The following AHRR variants were observed in gnomAD, a reference collection of about 807,000 sequenced individuals.
AHRR encodes ahR repressor.
Under a neutral mutation model 44.0 loss-of-function variants are expected in AHRR, and 28 were observed. That is an observed-to-expected ratio of 0.64 (90% CI 0.47 to 0.87). The LOEUF (loss-of-function observed/expected upper bound fraction) is 0.87. Among genes scored for constraint, AHRR ranks in the 40% least tolerant of loss-of-function variants. The pLI, the probability that AHRR is intolerant of heterozygous loss-of-function variation, is 0.00. For missense variants in AHRR, 990 were observed against 953.9 expected (o/e 1.04, Z -0.50); for synonymous variants, 434 against 407.0 (o/e 1.07, Z -0.80).
In AHRR at chr5:388,523, G is replaced by T. The variant is rs1199593984; in HGVS notation, c.351+11807G>T. 6.6e-6 allele frequency among the ~76,000 whole-genome samples: 1 copy of T among 152,188 alleles called. No homozygotes were observed. The highest frequency in any genetic ancestry group is 1.5e-5 in the Non-Finnish European group (1 of 68,034). ...CTCCCAGGGGGAGCCTGGAGGAGTG[G>T]GGTTTGGACACCCGGCAGGTCTCTT... On this transcript the variant is annotated intron_variant, in intron 4 of 10. Coordinates refer to ENST00000684583, the MANE Select transcript of AHRR (RefSeq NM_001377236.1). The surrounding 1 kb of genome is among the most constrained non-coding windows in gnomAD (Gnocchi z 5.2).
intron 1 of AHRR, among the ~76,000 whole-genome samples, chr5:329,193 C>G (rs1372151642): frequency 6.6e-6 from 1 of 151,822 alleles, no homozygotes. Context: ...TTTTCTTCTC[C>G]TCCTCCTTCT....
intron 7 of AHRR, among the ~76,000 whole-genome samples, chr5:427,174 A>G (rs1736454519): frequency 6.6e-6 from 1 of 152,234 alleles, no homozygotes; most frequent in Non-Finnish European, 1.5e-5. Context: ...TGATTCTTCC[A>G]TACAAGGCAG....
chr5:430,589 C>T (rs755796831), intron 8 of AHRR, among the ~76,000 whole-genome samples: 3 of 152,252 alleles, frequency 2.0e-5, no homozygotes, highest in Non-Finnish European at 4.4e-5. Flanking sequence ...CTGTTGTGGG[C>T]GTGAGTTCCA....
chr5:325,338 G>A (rs935476574), intron 1 of AHRR, among the ~76,000 whole-genome samples: 22 of 152,210 alleles, frequency 1.4e-4, no homozygotes, highest in African/African-American at 5.1e-4. Flanking sequence ...GGGTGGTCGA[G>A]TGGGTTTGCT....
intron 3 of AHRR, among the ~76,000 whole-genome samples, chr5:369,964 G>A (rs1743509713): frequency 1.3e-5 from 2 of 152,260 alleles, no homozygotes; most frequent in Non-Finnish European, 2.9e-5. Context: ...GCATTTGTAG[G>A]AATGGTTGGG....
Position 343,965 on chromosome 5 carries a change from G to A in AHRR, c.62+1G>A, listed in dbSNP as rs934951960. 6.3e-7 allele frequency: 1 copy of A among 1,597,104 alleles called. No homozygotes were observed. Among genetic ancestry groups the A allele is most frequent in the Non-Finnish European group, 8.5e-7 (1 of 1,172,638 alleles). On this transcript the variant is annotated splice_donor_variant, in intron 2 of 10. Transcript: ENST00000684583. LOFTEE classifies it high-confidence loss of function. ...AGCGGAGGAGGCCCCTGCAGAAACA[G>A]TAAAGTATCCCGCCTTCTGCTTGTG... is the stretch of plus-strand genomic sequence containing the variant.
chr5:348,157 G>A (rs548927321), intron 2 of AHRR, among the ~76,000 whole-genome samples: 1 of 152,314 alleles, frequency 6.6e-6, no homozygotes. Flanking sequence ...CCCAGCCTCG[G>A]TATCCTTTGG....
chr5:343,858 G>T, intron 1 of AHRR, 35 bp from the exon 2 acceptor site: 1 of 1,575,294 alleles, frequency 6.3e-7, no homozygotes. Flanking sequence ...CGCACGTGGC[G>T]CGTTCCGGTG....
chr5:435,179 G>A lies in AHRR; in HGVS notation c.*345G>A, dbSNP rs1389647690. 3 of 276,210 alleles carry A rather than the reference G, an allele frequency of 1.1e-5. No homozygotes were observed. The highest frequency in any genetic ancestry group is 4.9e-5 in the Admixed American group (1 of 20,446). The allele number at this position is 276,210 out of a possible 1,614,324, so 17.1% of individuals were successfully genotyped here. A position where few individuals can be genotyped will look rare whatever the true frequency, so the allele number is the denominator to read the frequency against. On this transcript the variant is annotated 3_prime_UTR_variant, in exon 11 of 11. Transcript: ENST00000684583. ...TCCCATGGCTGCCAAGTCCACAGTC[G>A]GGGATGAAGCAGTCGGGTGATGCTC...
intron 8 of AHRR, among the ~76,000 whole-genome samples, chr5:431,137 T>TCAGAG (rs1736707776): frequency 1.3e-5 from 2 of 152,084 alleles, no homozygotes; most frequent in African/African-American, 2.4e-5. Context: ...CCCCCTGGTG[T>TCAGAG]CAGAGCAGGG....
At chr5:344,096 TGA>T (rs1167886725) in intron 2 of AHRR, 132 bp downstream of exon 2, 18 of 976,382 alleles carry the variant, frequency 1.8e-5, no homozygotes, top group Non-Finnish European at 2.3e-5. Flanking sequence ...GGGCCGGGGC[TGA>T]GCTCCGGCGC....
rs1216428899 is a variant in AHRR, at chr5:376,687, G to A, written c.322G>A (p.Ala108Thr). 4.3e-6 allele frequency: 7 copies of A among 1,609,858 alleles called. No individual in the cohort carries two copies. Among genetic ancestry groups the A allele is most frequent in the Non-Finnish European group, 5.9e-6 (7 of 1,178,620 alleles). ...AGACAGCTGTCCTCTTGCAGGGTCTGCCGTGCTGGAGGGAAGGCTGCTGTT... is the reference window on the plus strand; with the variant it reads ...AGACAGCTGTCCTCTTGCAGGGTCTACCGTGCTGGAGGGAAGGCTGCTGTT... The part of the protein sequence containing the change: ...PGDSCPLAGS[A>T]VLEGRLLLES... The change falls in exon 4 of 11, where the codon GCC (alanine) becomes ACC (threonine). Residue 108 changes from alanine (A) to threonine (T), a missense_variant. Ala to Thr is a moderately conservative substitution (Grantham distance 58). Coordinates refer to ENST00000684583, the MANE Select transcript of AHRR (RefSeq NM_001377236.1).
At chr5:393,249 C>T (rs576897191) in intron 4 of AHRR, among the ~76,000 whole-genome samples, 2 of 152,346 alleles carry the variant, frequency 1.3e-5, no homozygotes, top group East Asian at 1.9e-4. Flanking sequence ...CGGCCCTCCC[C>T]ACGTTGGCAG....
Position 376,770 on chromosome 5 carries a change from G to A in AHRR, c.351+54G>A, listed in dbSNP as rs146357233. The A allele has an allele frequency of 1.4e-4, 201 of 1,455,160 alleles. No homozygotes were observed. The East Asian group carries it at 3.4e-3, about 24-fold the overall frequency. The allele number at this position is 1,455,160 out of a possible 1,614,324, so 90.1% of individuals were successfully genotyped here. A position where few individuals can be genotyped will look rare whatever the true frequency, so the allele number is the denominator to read the frequency against. On this transcript the variant is annotated intron_variant, in intron 4 of 10. Coordinates refer to ENST00000684583, the MANE Select transcript of AHRR (RefSeq NM_001377236.1). Reference sequence around the variant, plus strand: ...CTTGACACTTGGTTCTCCGTGTCACGCGTGTTCAGGCTCAGTCATACTCCG... The same window carrying A: ...CTTGACACTTGGTTCTCCGTGTCACACGTGTTCAGGCTCAGTCATACTCCG...
At chr5:390,883 A>T (rs1037032704) in intron 4 of AHRR, among the ~76,000 whole-genome samples, 3 of 152,264 alleles carry the variant, frequency 2.0e-5, no homozygotes, top group South Asian at 4.2e-4. Context: ...GTTCACGCAC[A>T]CCCGGGGGCA....
chr5:389,291 T>A (rs1734305126), intron 4 of AHRR, among the ~76,000 whole-genome samples: 1 of 152,074 alleles, frequency 6.6e-6, no homozygotes, highest in South Asian at 2.1e-4. Context: ...GAAGAGGCTG[T>A]GAACCAGGCA....
At chr5:402,152 T>C (rs1036393864) in intron 4 of AHRR, among the ~76,000 whole-genome samples, 2 of 152,038 alleles carry the variant, frequency 1.3e-5, no homozygotes, top group Non-Finnish European at 2.9e-5. Context: ...GATAGACGCT[T>C]CTCCAAAGGA....
intron 3 of AHRR, among the ~76,000 whole-genome samples, chr5:373,745 G>A (rs921519228): frequency 5.3e-5 from 8 of 151,676 alleles, no homozygotes; most frequent in Admixed American, 2.6e-4. Context: ...GGGTCCGCCC[G>A]CCCCGTGTGC....
intron 4 of AHRR, among the ~76,000 whole-genome samples, chr5:396,093 A>G (rs538079083): frequency 2.4e-4 from 36 of 152,302 alleles, no homozygotes; most frequent in African/African-American, 8.7e-4. Flanking sequence ...GGGATGGGGC[A>G]GTGGGGGCCT....
Sources: gnomAD v4.1 joint callset for allele counts (sites outside exome capture counted in the v4.1 genomes callset) on GRCh38, gnomAD v4.1.1 for gene constraint, Gnocchi (gnomAD v3.1) non-coding constraint, MANE v1.5 for transcripts, NCBI Gene and HGNC (gene_info 2026-07-23, HGNC 2026-07-21) for gene names.